The following BBX variants were observed in gnomAD, a reference collection of about 807,000 sequenced individuals.
The protein encoded by BBX is HMG box transcription factor BBX.
Under a neutral mutation model 100.2 loss-of-function variants are expected in BBX, and 30 were observed. The observed-to-expected ratio is 0.30, with a 90% CI of 0.22 to 0.41. The LOEUF is 0.41. BBX is among the 10% of genes least tolerant of loss of function. BBX has a pLI of 1.00. For missense variants in BBX, 1,023 were observed against 1,129.8 expected (o/e 0.91, Z 1.35); for synonymous variants, 376 against 388.1 (o/e 0.97, Z 0.37).
Position 107,552,997 on chromosome 3 carries a change from A to G in BBX, c.-84+26599A>G, listed in dbSNP as rs1207709393. On this transcript the variant is annotated intron_variant, in intron 2 of 17. Coordinates refer to ENST00000325805, the MANE Select transcript of BBX (RefSeq NM_001142568.3). ...AATGCTATACGTCTTTTGACTTCAT[A>G]AAGAAAAATGTTGATTTCAAAAATT... is the stretch of plus-strand genomic sequence containing the variant. 3.3e-5 allele frequency among the ~76,000 whole-genome samples: 5 copies of G among 152,338 alleles called. No homozygotes were observed. The East Asian group carries it at 9.7e-4, about 29-fold the overall frequency.
rs2071266504 is a variant in BBX at position 107,811,087 on chromosome 3, TA to T, written c.*5632del. The T allele has an allele frequency of 6.6e-6, 1 of 152,252 alleles. No individual in the cohort carries two copies. The highest frequency in any genetic ancestry group is 1.5e-5 in the Non-Finnish European group (1 of 68,040). The allele number at this position is 152,252 out of a possible 1,614,324, so 9.4% of individuals were successfully genotyped here. Reference sequence around the variant, plus strand: ...ATTTCTTTCTTCAAAATCTTATACCTAATTTGATATTTCTAAAAATTGCACA... The same window carrying T: ...ATTTCTTTCTTCAAAATCTTATACCTATTTGATATTTCTAAAAATTGCACA... On this transcript the variant is annotated 3_prime_UTR_variant, in exon 18 of 18. Transcript: ENST00000325805.
intron 13 of BBX, among the ~76,000 whole-genome samples, chr3:107,780,292 A>G (rs1014532927): frequency 5.9e-5 from 9 of 152,144 alleles, no homozygotes; most frequent in Admixed American, 2.6e-4. Context: ...TCCTTCTTCC[A>G]CTCCCAAAAC....
At chr3:107,646,330 C>A (rs926285108) in intron 3 of BBX, among the ~76,000 whole-genome samples, 2 of 151,982 alleles carry the variant, frequency 1.3e-5, no homozygotes, top group Non-Finnish European at 2.9e-5. Flanking sequence ...GTTTTTCTTA[C>A]CTGTTAAAAA....
chr3:107,725,163 T>C (rs1300241435), intron 5 of BBX, among the ~76,000 whole-genome samples: 2 of 152,172 alleles, frequency 1.3e-5, no homozygotes, highest in Non-Finnish European at 2.9e-5. Context: ...TTATTCTCTT[T>C]GAAGCAGTTG....
chr3:107,741,014 G>C (rs757004487), intron 7 of BBX, among the ~76,000 whole-genome samples: 1 of 150,020 alleles, frequency 6.7e-6, no homozygotes, highest in Non-Finnish European at 1.5e-5. Context: ...AGCAGTCTTT[G>C]TGTCTGGCAT....
Position 107,806,092 on chromosome 3 carries a change from C to T in BBX, c.*635C>T, listed in dbSNP as rs1414864008. On this transcript the variant is annotated 3_prime_UTR_variant, in exon 18 of 18. Transcript: ENST00000325805. ...CATATATTCTGCACTTTTATATTTG[C>T]CACCAGAATGGTAGTTTGCTGGCAA... 1 of 147,456 alleles carries T rather than the reference C, an allele frequency of 6.8e-6. No homozygotes were observed. The highest frequency in any genetic ancestry group is 2.0e-4 in the East Asian group (1 of 4,994). The allele number at this position is 147,456 out of a possible 1,614,324, so 9.1% of individuals were successfully genotyped here.
chr3:107,774,635 A>G (rs1477159179), intron 11 of BBX, 84 bp from the exon 12 acceptor site: 2 of 1,426,674 alleles, frequency 1.4e-6, no homozygotes, highest in Admixed American at 4.0e-5. Flanking sequence ...GCAAGCAGTC[A>G]AGAGGTTGCT....
At chr3:107,744,352 T>G (rs982710575) in intron 7 of BBX, among the ~76,000 whole-genome samples, 1 of 152,156 alleles carries the variant, frequency 6.6e-6, no homozygotes, top group Non-Finnish European at 1.5e-5. Context: ...ATCACAGGAA[T>G]AATGAAATCC....
chr3:107,598,343 A>G (rs1394982538), intron 2 of BBX, among the ~76,000 whole-genome samples: 1 of 152,204 alleles, frequency 6.6e-6, no homozygotes, highest in African/African-American at 2.4e-5. Flanking sequence ...AGTCTTTGCA[A>G]TCCTAATTCT....
In BBX at chr3:107,772,756, A is replaced by C; in HGVS notation, c.1035A>C (p.Thr345=). The C allele has an allele frequency of 6.2e-7, 1 of 1,613,032 alleles. No individual in the cohort carries two copies. Among genetic ancestry groups the C allele is most frequent in the Non-Finnish European group, 8.5e-7 (1 of 1,179,780 alleles). ...KEEKEIKMEK[T]DETRLQKEAE... ...AAAAAGAAATTAAAATGGAGAAAACAGATGAAACTAGGTTACAGAAGGAAG... is the reference window on the plus strand; with the variant it reads ...AAAAAGAAATTAAAATGGAGAAAACCGATGAAACTAGGTTACAGAAGGAAG... Residue 345 remains threonine (T), a synonymous_variant, in exon 11 of 18, where the codon ACA becomes ACC. Transcript: ENST00000325805.
chr3:107,684,137 A>G (rs1248828431), intron 3 of BBX, among the ~76,000 whole-genome samples: 1 of 152,154 alleles, frequency 6.6e-6, no homozygotes, highest in Non-Finnish European at 1.5e-5. Flanking sequence ...AGCAATACCT[A>G]TTGCAGGTAA....
At chr3:107,530,441 T>A (rs1049092882) in intron 2 of BBX, among the ~76,000 whole-genome samples, 8 of 151,812 alleles carry the variant, frequency 5.3e-5, no homozygotes, top group Admixed American at 5.2e-4. Context: ...AAAGTAACAA[T>A]GAGAATGAAT....
chr3:107,805,337 A>C (rs368189968), intron 17 of BBX, 33 bp from the exon 18 acceptor site: 8 of 1,593,844 alleles, frequency 5.0e-6, no homozygotes, highest in Non-Finnish European at 6.8e-6. Context: ...ACATATGCTG[A>C]ATAAGTGACT....
chr3:107,687,591 A>G (rs1036437878), intron 3 of BBX, among the ~76,000 whole-genome samples: 1 of 152,108 alleles, frequency 6.6e-6, no homozygotes, highest in African/African-American at 2.4e-5. Context: ...TTTCAGCTTC[A>G]TCAGTTGCTA....
intron 15 of BBX, among the ~76,000 whole-genome samples, chr3:107,792,876 T>C (rs1435315490): frequency 6.6e-6 from 1 of 152,162 alleles, no homozygotes; most frequent in Non-Finnish European, 1.5e-5. Flanking sequence ...CTAAGTACTT[T>C]GTTCTGTTTT....
At chr3:107,543,565 C>T (rs929483020) in intron 2 of BBX, among the ~76,000 whole-genome samples, 3 of 152,140 alleles carry the variant, frequency 2.0e-5, no homozygotes, top group African/African-American at 4.8e-5. Flanking sequence ...TAGTAGTTAA[C>T]GGATAATAAA....
chr3:107,798,846 A>AC, intron 16 of BBX, 126 bp downstream of exon 16: 1 of 1,060,156 alleles, frequency 9.4e-7, no homozygotes, highest in Non-Finnish European at 1.3e-6. Flanking sequence ...AAAAAAAAAA[A>AC]AAAACAAAAA....
At chr3:107,531,786 A>G (rs1320712182) in intron 2 of BBX, among the ~76,000 whole-genome samples, 1 of 152,172 alleles carries the variant, frequency 6.6e-6, no homozygotes, top group Non-Finnish European at 1.5e-5. Flanking sequence ...ACCTCTTTAA[A>G]AAAGTAGAGT....
intron 2 of BBX, among the ~76,000 whole-genome samples, chr3:107,556,806 G>C (rs552792277): frequency 6.6e-6 from 1 of 152,178 alleles, no homozygotes; most frequent in Admixed American, 6.5e-5. Flanking sequence ...GGGATCTTTG[G>C]GTTTCTTAGT....
Sources: allele counts gnomAD v4.1 joint callset (sites outside exome capture counted in the v4.1 genomes callset), GRCh38; gene constraint gnomAD v4.1.1; transcripts MANE v1.5; gene names NCBI Gene and HGNC (gene_info 2026-07-23, HGNC 2026-07-21).